The following PRDM6 variants were observed in gnomAD, a reference collection of about 807,000 sequenced individuals.
PRDM6 encodes putative histone-lysine N-methyltransferase PRDM6.
In PRDM6, 25 loss-of-function variants were observed where a neutral mutation model predicts 60.8. That is an observed-to-expected ratio of 0.41 (90% confidence interval 0.30 to 0.57). The LOEUF is 0.57. Among genes scored for constraint, PRDM6 ranks in the 20% least tolerant of loss-of-function variants. PRDM6 has a pLI of 0.27. For synonymous variants in PRDM6, 407 were observed against 357.4 expected, an observed-to-expected ratio of 1.14 and a Z score of -1.57; for missense variants, 839 against 821.3, an observed-to-expected ratio of 1.02 and a Z score of -0.26.
intron 2 of PRDM6, among the ~76,000 whole-genome samples, chr5:123,094,417 C>A (rs552182047): frequency 7.5e-6 from 1 of 133,504 alleles, no homozygotes; most frequent in East Asian, 2.0e-4. Context: ...GGCTTCAGTG[C>A]GTGGGCTTTT....
chr5:123,122,615 T>C (rs990591396), intron 3 of PRDM6, among the ~76,000 whole-genome samples: 2 of 152,188 alleles, frequency 1.3e-5, no homozygotes, highest in African/African-American at 4.8e-5. Flanking sequence ...TTTGTAGTTA[T>C]CGATCTTTTC....
chr5:123,173,770 C>T (rs538862443), intron 6 of PRDM6, among the ~76,000 whole-genome samples: 1 of 152,154 alleles, frequency 6.6e-6, no homozygotes, highest in Non-Finnish European at 1.5e-5. Flanking sequence ...GTCACTTGGA[C>T]CCCCTAATTT....
chr5:123,158,184 C>T lies in PRDM6; in HGVS notation c.1029-1330C>T, dbSNP rs144266432. Among the ~76,000 whole-genome samples the T allele has an allele frequency of 8.4e-3, 1,274 of 152,220 alleles. 80 individuals carry two copies. The highest frequency in any genetic ancestry group is 0.073 in the Admixed American group (1,109 of 15,286). On this transcript the variant is annotated intron_variant, in intron 4 of 7. Coordinates refer to ENST00000407847, the MANE Select transcript of PRDM6 (RefSeq NM_001136239.4). ...GGTTTTAGCACATTCATTTGCTGGG[C>T]GCAGTGTTTATATTAAGGGAAGCCA...
In PRDM6 at chr5:123,188,145, G is replaced by A. The variant is rs1476930892; in HGVS notation, c.*944G>A. On this transcript the variant is annotated 3_prime_UTR_variant, in exon 8 of 8. Coordinates refer to ENST00000407847, the MANE Select transcript of PRDM6 (RefSeq NM_001136239.4). ...AATAGTGCCAAACCCCATCGTCAAG[G>A]CCCTTTTAGCAATTTTATCTTTCTT... The A allele has an allele frequency of 6.6e-6, 1 of 152,118 alleles. No individual in the cohort carries two copies. The highest frequency in any genetic ancestry group is 2.4e-5 in the African/African-American group (1 of 41,414). The allele number at this position is 152,118 out of a possible 1,614,324, so 9.4% of individuals were successfully genotyped here.
rs1766347128 is a variant in PRDM6, at chr5:123,188,967, A to G, written c.*1766A>G. ...TAATCTCTAGAACCCTGGGCCATAA[A>G]GAAAAAAATGGCTAATTCTGACCTC... On this transcript the variant is annotated 3_prime_UTR_variant, in exon 8 of 8. Transcript: ENST00000407847. The G allele has an allele frequency of 6.6e-6, 1 of 152,226 alleles. No homozygotes were observed. The highest frequency in any genetic ancestry group is 1.5e-5 in the Non-Finnish European group (1 of 68,042). 9.4% of individuals were successfully genotyped at this position (152,226 alleles called of 1,614,324 possible). A position where few individuals can be genotyped will look rare whatever the true frequency, so the allele number is the denominator to read the frequency against.
chr5:123,097,925 T>C (rs1250376826), intron 2 of PRDM6, among the ~76,000 whole-genome samples: 1 of 152,208 alleles, frequency 6.6e-6, no homozygotes, highest in East Asian at 1.9e-4. Flanking sequence ...TCCAGCTCTC[T>C]TGGGAGGAGT....
intron 2 of PRDM6, among the ~76,000 whole-genome samples, chr5:123,096,996 AAC>A (rs1396996261): frequency 6.6e-6 from 1 of 152,164 alleles, no homozygotes; most frequent in Non-Finnish European, 1.5e-5. Context: ...ATGAAAACTA[AAC>A]ACTCTTCTGA....
At chr5:123,104,941 A>G (rs1481282625) in intron 3 of PRDM6, among the ~76,000 whole-genome samples, 1 of 151,774 alleles carries the variant, frequency 6.6e-6, no homozygotes, top group Non-Finnish European at 1.5e-5. Context: ...CATGCTGCAC[A>G]GTGCCACCCT....
At chr5:123,093,204 A>G (rs1199833451) in intron 2 of PRDM6, among the ~76,000 whole-genome samples, 1 of 152,192 alleles carries the variant, frequency 6.6e-6, no homozygotes, top group East Asian at 1.9e-4. Context: ...GTCACTTCGT[A>G]CTTAAAAGGA....
At chr5:123,177,927 C>T (rs1766054032) in intron 6 of PRDM6, among the ~76,000 whole-genome samples, 1 of 152,150 alleles carries the variant, frequency 6.6e-6, no homozygotes, top group Non-Finnish European at 1.5e-5. Context: ...ATTCAGTCAA[C>T]CTGAGTTCTG....
At chr5:123,090,734 C>T (rs1580469839) in intron 2 of PRDM6, 128 bp downstream of exon 2, 1 of 645,212 alleles carries the variant, frequency 1.5e-6, no homozygotes, top group Non-Finnish European at 2.5e-6. Context: ...AGCACCTGGT[C>T]CTGGCCGCTG....
chr5:123,117,195 AT>A (rs1347843647), intron 3 of PRDM6, among the ~76,000 whole-genome samples: 2 of 151,966 alleles, frequency 1.3e-5, no homozygotes, highest in African/African-American at 4.8e-5. Context: ...GTTCATTTAA[AT>A]TTGGACCCAA....
In PRDM6 at chr5:123,099,518, A is replaced by C. The variant is rs1764047488; in HGVS notation, c.593-136A>C. ...CCTCTGAGTTGCTTCGGTGCCCCCA[A>C]GGCATCACCTTCCTCGAAGGTGGCT... is the stretch of plus-strand genomic sequence containing the variant. On this transcript the variant is annotated intron_variant, in intron 2 of 7. Transcript: ENST00000407847. The surrounding 1 kb of genome is among the most constrained non-coding windows in gnomAD (Gnocchi z 4.0). 1.1e-5 allele frequency: 8 copies of C among 746,136 alleles called. No individual in the cohort carries two copies. The South Asian group carries it at 1.8e-4, about 17-fold the overall frequency. 46.2% of individuals were successfully genotyped at this position (746,136 alleles called of 1,614,324 possible).
intron 2 of PRDM6, among the ~76,000 whole-genome samples, chr5:123,092,293 G>GT (rs1433267719): frequency 4.6e-5 from 7 of 152,206 alleles, no homozygotes; most frequent in Non-Finnish European, 1.0e-4. Context: ...CTTGGAAAAG[G>GT]TATGTCTTAC....
chr5:123,169,313 G>A (rs1402965274), intron 5 of PRDM6, among the ~76,000 whole-genome samples: 1 of 152,162 alleles, frequency 6.6e-6, no homozygotes, highest in Non-Finnish European at 1.5e-5. Flanking sequence ...ACTCACTAAT[G>A]TCTTAATAAA....
At chr5:123,114,568 G>T (rs1340301290) in intron 3 of PRDM6, among the ~76,000 whole-genome samples, 1 of 152,166 alleles carries the variant, frequency 6.6e-6, no homozygotes, top group African/African-American at 2.4e-5. Flanking sequence ...AAATAGTTCT[G>T]CTAAAAAATT....
chr5:123,182,216 C>T (rs465412), intron 7 of PRDM6, among the ~76,000 whole-genome samples: 1 of 152,200 alleles, frequency 6.6e-6, no homozygotes, highest in African/African-American at 2.4e-5. Flanking sequence ...TGTATCCTGC[C>T]TAGTGGACTT....
At chr5:123,090,873 A>C (rs1763823928) in intron 2 of PRDM6, among the ~76,000 whole-genome samples, 1 of 152,062 alleles carries the variant, frequency 6.6e-6, no homozygotes, top group Non-Finnish European at 1.5e-5. Context: ...CACAGTCCCA[A>C]GTGTTTGGGG....
intron 6 of PRDM6, among the ~76,000 whole-genome samples, chr5:123,178,202 A>G (rs920756762): frequency 3.3e-5 from 5 of 152,160 alleles, no homozygotes; most frequent in Admixed American, 3.3e-4. Context: ...CAGAGTTAGA[A>G]AAAAAAGAAA....
Sources: gnomAD v4.1 joint callset for allele counts (sites outside exome capture counted in the v4.1 genomes callset) on GRCh38, gnomAD v4.1.1 for gene constraint, Gnocchi (gnomAD v3.1) non-coding constraint, MANE v1.5 for transcripts, NCBI Gene and HGNC (gene_info 2026-07-23, HGNC 2026-07-21) for gene names.